PLCE1: variants seen among roughly 807,000 people sequenced by gnomAD.
The protein encoded by PLCE1 is phospholipase C epsilon 1.
PLCE1 carries 119 observed loss-of-function variants against 242.8 expected under a neutral mutation model. That is an observed-to-expected ratio of 0.49 (90% confidence interval 0.42 to 0.57). The LOEUF (loss-of-function observed/expected upper bound fraction) is 0.57. Ranked by LOEUF, PLCE1 falls within the 20% of genes least tolerant of loss-of-function variation. PLCE1 has a pLI of 0.00. For synonymous variants in PLCE1, 945 were observed against 1,017.4 expected (o/e 0.93, Z 1.35); for missense variants, 2,441 against 2,788.8 (o/e 0.88, Z 2.81).
At chr10:93,995,328 C>T (rs893882821) in intron 1 of PLCE1, among the ~76,000 whole-genome samples, 3 of 152,224 alleles carry the variant, frequency 2.0e-5, no homozygotes, top group Non-Finnish European at 4.4e-5. Context: ...TCCCCCACAT[C>T]CACCACTCTA....
chr10:94,225,538 G>A (rs1055177871), intron 4 of PLCE1, among the ~76,000 whole-genome samples: 1 of 152,178 alleles, frequency 6.6e-6, no homozygotes. Flanking sequence ...CGGGCGAGGT[G>A]GCAGGCCTTG....
chr10:94,269,492 G>C (rs1025420472), intron 17 of PLCE1, among the ~76,000 whole-genome samples: 1 of 152,082 alleles, frequency 6.6e-6, no homozygotes, highest in African/African-American at 2.4e-5. Context: ...CTTCCCAAAA[G>C]TGTTTGCTGT....
chr10:94,268,891 G>C (rs2051609678), intron 16 of PLCE1, 38 bp from the exon 17 acceptor site: 2 of 1,173,342 alleles, frequency 1.7e-6, no homozygotes, highest in African/African-American at 1.5e-5. Flanking sequence ...TTATCTCCAG[G>C]TGCTCACCTG....
intron 22 of PLCE1, among the ~76,000 whole-genome samples, chr10:94,285,757 T>C (rs12243849): frequency 0.027 from 4,101 of 152,218 alleles, 183 homozygotes; most frequent in African/African-American, 0.091. Context: ...CATTCTCCAC[T>C]CTGAGCTGGG....
At chr10:94,163,794 C>T (rs943482767) in intron 3 of PLCE1, among the ~76,000 whole-genome samples, 23 of 152,168 alleles carry the variant, frequency 1.5e-4, no homozygotes, top group African/African-American at 4.8e-4. Context: ...GTGGCTGGTA[C>T]CGGTTGTTCC....
At chr10:94,083,428 A>G (rs1187341772) in intron 2 of PLCE1, among the ~76,000 whole-genome samples, 2 of 152,126 alleles carry the variant, frequency 1.3e-5, no homozygotes, top group Non-Finnish European at 2.9e-5. Flanking sequence ...TCCCTAAACA[A>G]CTCTATAAAG....
intron 8 of PLCE1, 42 bp from the exon 9 acceptor site, chr10:94,252,274 C>A: frequency 6.3e-7 from 1 of 1,579,984 alleles, no homozygotes; most frequent in Non-Finnish European, 8.7e-7. Flanking sequence ...TTCCCCATTG[C>A]TTGATGCTTC....
chr10:94,246,044 A>G lies in PLCE1; in HGVS notation c.2519A>G (p.Asp840Gly), dbSNP rs756796239. 8 of 1,614,162 alleles carry G rather than the reference A, an allele frequency of 5.0e-6. No individual in the cohort carries two copies. The South Asian group carries it at 8.8e-5, about 18-fold the overall frequency. ...TCAGAGGACTCACAGAAGGCCTTCG[A>G]CCATGGGACGGAGCTCATCCCTTGG... ...HGSEDSQKAFDHGTELIPWYV... is the reference protein window; with the variant it reads ...HGSEDSQKAFGHGTELIPWYV... Residue 840 changes from aspartate to glycine, a missense_variant, in exon 8 of 33, where the codon GAC (aspartate) becomes GGC (glycine). By Grantham distance (94) the Asp-to-Gly change is moderately conservative. Transcript: ENST00000371380.
chr10:94,113,689 C>T (rs907955077), intron 2 of PLCE1, among the ~76,000 whole-genome samples: 2 of 152,126 alleles, frequency 1.3e-5, no homozygotes, highest in African/African-American at 2.4e-5. Flanking sequence ...TAAGCAGTGA[C>T]ATTAAGACTG....
intron 2 of PLCE1, among the ~76,000 whole-genome samples, chr10:94,116,254 T>C (rs535083215): frequency 8.5e-5 from 13 of 152,240 alleles, no homozygotes; most frequent in Non-Finnish European, 1.9e-4. Flanking sequence ...GCTATATCTA[T>C]AGAACTTGGC....
intron 4 of PLCE1, among the ~76,000 whole-genome samples, chr10:94,197,574 C>G (rs2048859140): frequency 6.6e-6 from 1 of 150,876 alleles, no homozygotes. Flanking sequence ...TCCTAAATAG[C>G]TAATGATGTT....
At chr10:94,183,748 C>T (rs887296083) in intron 4 of PLCE1, among the ~76,000 whole-genome samples, 4 of 152,082 alleles carry the variant, frequency 2.6e-5, no homozygotes, top group East Asian at 3.9e-4. Flanking sequence ...GGTGAGGCCT[C>T]GGAGCTTTTA....
rs368955437 is a variant in PLCE1 at position 94,255,005 on chromosome 10, A to G, written c.3510A>G (p.Pro1170=). 5 of 1,614,062 alleles carry G rather than the reference A, an allele frequency of 3.1e-6. No individual in the cohort carries two copies. In the African/African-American group the frequency reaches 5.3e-5, roughly 17 times the overall value. Residue 1170 remains proline (P), a synonymous_variant, in exon 11 of 33, where the codon CCA becomes CCG. Transcript: ENST00000371380. ...LAAGTSSPIR[P]VSSPVLSSSN... ...CCGGGACGTCATCTCCCATCAGGCCAGTGTCCTCCCCTGTGCTGTCTTCTT... is the reference window on the plus strand; with the variant it reads ...CCGGGACGTCATCTCCCATCAGGCCGGTGTCCTCCCCTGTGCTGTCTTCTT...
intron 2 of PLCE1, among the ~76,000 whole-genome samples, chr10:94,062,604 G>GTT (rs77625602): frequency 1.0e-5 from 1 of 99,332 alleles, no homozygotes; most frequent in South Asian, 3.0e-4. Flanking sequence ...GTTTTGTTTT[G>GTT]TTTTTTTTTT....
chr10:94,252,558 A>T, intron 9 of PLCE1, 60 bp downstream of exon 9: 4 of 1,370,900 alleles, frequency 2.9e-6, no homozygotes, highest in Non-Finnish European at 4.1e-6. Flanking sequence ...TGTATGGTGA[A>T]CATCACCATA....
intron 1 of PLCE1, among the ~76,000 whole-genome samples, chr10:94,010,811 T>C (rs182412914): frequency 9.8e-5 from 15 of 152,324 alleles, no homozygotes; most frequent in Admixed American, 3.9e-4. Flanking sequence ...AACTTCCTCA[T>C]TTCCATCTGA....
intron 4 of PLCE1, among the ~76,000 whole-genome samples, chr10:94,222,349 T>A (rs1423604745): frequency 6.6e-6 from 1 of 152,156 alleles, no homozygotes; most frequent in Non-Finnish European, 1.5e-5. Flanking sequence ...ATTCATTCAT[T>A]CATTCATTCA....
chr10:94,080,059 A>T (rs2044612665), intron 2 of PLCE1, among the ~76,000 whole-genome samples: 1 of 152,092 alleles, frequency 6.6e-6, no homozygotes, highest in South Asian at 2.1e-4. Flanking sequence ...CTAGGTTTTT[A>T]TTGTTACTTT....
At chr10:94,255,914 A>ACACTCTCTCTCTCTCTCT (rs1284531207) in intron 11 of PLCE1, among the ~76,000 whole-genome samples, 43 of 67,316 alleles carry the variant, frequency 6.4e-4, no homozygotes, top group Admixed American at 8.9e-4. Context: ...ACACACACAC[A>ACACTCTCTCTCTCTCTCT]CTCTCTCTCT....
Sources: gnomAD v4.1 joint callset for allele counts (sites outside exome capture counted in the v4.1 genomes callset) on GRCh38, gnomAD v4.1.1 for gene constraint, MANE v1.5 for transcripts, NCBI Gene and HGNC (gene_info 2026-07-23, HGNC 2026-07-21) for gene names.